The following SMIM36 variants were observed in gnomAD, a reference collection of about 807,000 sequenced individuals.
SMIM36 encodes the protein small integral membrane protein 36.
At chr17:55,517,079 G>A in the SMIM36 span, among the ~76,000 whole-genome samples, 4 of 152,192 alleles carry the variant, frequency 2.6e-5, no homozygotes, top group Non-Finnish European at 5.9e-5. Flanking sequence ...GGTTCCTGGA[G>A]AAGTCTCATG....
intron 3 of SMIM36, among the ~76,000 whole-genome samples, chr17:55,476,318 A>C (rs1909425638): frequency 6.6e-6 from 1 of 151,636 alleles, no homozygotes; most frequent in African/African-American, 2.4e-5. Flanking sequence ...GCGCCTTGTG[A>C]CCCCTACCCC....
chr17:55,502,895 G>A (rs1347977693), intron 1 of SMIM36, among the ~76,000 whole-genome samples: 6 of 140,422 alleles, frequency 4.3e-5, no homozygotes, highest in African/African-American at 1.7e-4. Flanking sequence ...TGATGGAGCT[G>A]AAAACCAAGG....
chr17:55,521,990 C>T, the SMIM36 span, among the ~76,000 whole-genome samples: 38 of 152,200 alleles, frequency 2.5e-4, 1 homozygote, highest in Middle Eastern at 0.01. Flanking sequence ...CATTTTAACA[C>T]ATGTCAAACC....
upstream of SMIM36, among the ~76,000 whole-genome samples, chr17:55,515,502 T>C (rs575044999): frequency 1.3e-5 from 2 of 152,280 alleles, no homozygotes; most frequent in South Asian, 4.1e-4. Context: ...CAGATATAAT[T>C]AGTTAAGGGT....
chr17:55,479,823 T>C (rs1909490018), intron 1 of SMIM36, among the ~76,000 whole-genome samples: 1 of 152,182 alleles, frequency 6.6e-6, no homozygotes, highest in Admixed American at 6.5e-5. Flanking sequence ...GCAAAAACAC[T>C]TTTCCTTGTG....
intron 1 of SMIM36, among the ~76,000 whole-genome samples, chr17:55,497,302 T>C (rs1292525815): frequency 6.6e-6 from 1 of 152,144 alleles, no homozygotes; most frequent in Non-Finnish European, 1.5e-5. Context: ...CTCGCTCTTG[T>C]TGCCCAGGCT....
the SMIM36 span, chr17:55,526,915 C>T: frequency 6.6e-6 from 1 of 152,138 alleles, no homozygotes; most frequent in Non-Finnish European, 1.5e-5. Context: ...ACCACCAAGC[C>T]TCAGGGCTCA....
At chr17:55,491,647 T>A (rs1423473248) in intron 1 of SMIM36, among the ~76,000 whole-genome samples, 5 of 152,314 alleles carry the variant, frequency 3.3e-5, no homozygotes, top group Non-Finnish European at 5.9e-5. Flanking sequence ...GCTAACTAAA[T>A]GGGCTTGTGC....
chr17:55,472,388 A>G (rs774331453), intron 3 of SMIM36, among the ~76,000 whole-genome samples: 1 of 152,216 alleles, frequency 6.6e-6, no homozygotes, highest in South Asian at 2.1e-4. Context: ...ACTGACTTCA[A>G]ATATGCTTTC....
chr17:55,469,291 T>G (rs1430456232), intron 3 of SMIM36, among the ~76,000 whole-genome samples: 1 of 152,124 alleles, frequency 6.6e-6, no homozygotes, highest in Admixed American at 6.5e-5. Flanking sequence ...CTGACAGAGG[T>G]GGCTGGAGCT....
chr17:55,476,100 C>A (rs567611238), intron 3 of SMIM36, among the ~76,000 whole-genome samples: 24 of 152,282 alleles, frequency 1.6e-4, no homozygotes, highest in African/African-American at 5.5e-4. Context: ...TGAGCCCAAG[C>A]TAAGCCATCA....
chr17:55,476,569 T>C (rs910126877), intron 3 of SMIM36, among the ~76,000 whole-genome samples: 15 of 58,262 alleles, frequency 2.6e-4, no homozygotes, highest in African/African-American at 7.1e-4. Context: ...TGGTCACTAT[T>C]TTTTTTTTTT....
chr17:55,500,829 ATATATAT>A (rs1909904061), intron 1 of SMIM36, among the ~76,000 whole-genome samples: 2 of 18,710 alleles, frequency 1.1e-4, no homozygotes, highest in Admixed American at 8.9e-4. Context: ...ATATTTTATA[ATATATAT>A]TATAATATAT....
intron 1 of SMIM36, among the ~76,000 whole-genome samples, chr17:55,485,552 A>T (rs1909590164): frequency 1.3e-5 from 2 of 151,928 alleles, no homozygotes; most frequent in Non-Finnish European, 2.9e-5. Context: ...GCCTCTCAAA[A>T]TGCTGGGATT....
chr17:55,471,573 C>G (rs1456174053), intron 3 of SMIM36, among the ~76,000 whole-genome samples: 1 of 152,136 alleles, frequency 6.6e-6, no homozygotes, highest in African/African-American at 2.4e-5. Flanking sequence ...GTCTAGATAC[C>G]AGGCTTTTCT....
chr17:55,497,002 G>A (rs1194226007), intron 1 of SMIM36, among the ~76,000 whole-genome samples: 1 of 152,144 alleles, frequency 6.6e-6, no homozygotes, highest in East Asian at 1.9e-4. Context: ...TCACTAAGTG[G>A]CTTTTGAAGT....
At chr17:55,501,077 T>A (rs371073015) in intron 1 of SMIM36, among the ~76,000 whole-genome samples, 4 of 47,578 alleles carry the variant, frequency 8.4e-5, no homozygotes, top group Non-Finnish European at 1.6e-4. Context: ...TATATTATAA[T>A]ATATAATATA....
chr17:55,507,578 T>G (rs1598459192), intron 1 of SMIM36, among the ~76,000 whole-genome samples: 1 of 73,998 alleles, frequency 1.4e-5, no homozygotes. Flanking sequence ...GGGACTGTGG[T>G]GGGGTGGGGG....
intron 1 of SMIM36, among the ~76,000 whole-genome samples, chr17:55,503,298 G>GA (rs1910025595): frequency 1.1e-5 from 1 of 87,704 alleles, no homozygotes; most frequent in East Asian, 3.3e-4. Flanking sequence ...TGAAATGAAG[G>GA]AAAAAATGTT....
Sources: gnomAD v4.1 joint callset for allele counts (sites outside exome capture counted in the v4.1 genomes callset) on GRCh38, gnomAD v4.1.1 for gene constraint, MANE v1.5 for transcripts, NCBI Gene and HGNC (gene_info 2026-07-23, HGNC 2026-07-21) for gene names.